MRPS9: variants seen among roughly 807,000 people sequenced by gnomAD.
MRPS9 encodes the protein mitochondrial ribosomal protein S9, also known as small ribosomal subunit protein uS9m.
A neutral mutation model predicts 59.9 loss-of-function variants in MRPS9; 45 were observed. The ratio of observed to expected loss-of-function variants is 0.75; its 90% CI spans 0.59 to 0.96. The LOEUF (loss-of-function observed/expected upper bound fraction) is 0.96, where lower values mean the gene tolerates loss of function less well. MRPS9 is among the 40% of genes least tolerant of loss of function. MRPS9 has a pLI of 0.00. For missense variants in MRPS9, 473 were observed against 481.1 expected, an observed-to-expected ratio of 0.98 and a Z score of 0.16; for synonymous variants, 171 against 166.8, an observed-to-expected ratio of 1.03 and a Z score of -0.19.
At chr2:105,073,945 A>T (rs12611500) in intron 4 of MRPS9, among the ~76,000 whole-genome samples, 29,658 of 152,200 alleles carry the variant, frequency 0.19, 3,056 homozygotes, top group Middle Eastern at 0.35. Flanking sequence ...TACATTTTCT[A>T]TGCAGAGGCC....
At chr2:105,053,275 A>G (rs764767514) in intron 2 of MRPS9, among the ~76,000 whole-genome samples, 7 of 152,182 alleles carry the variant, frequency 4.6e-5, no homozygotes, top group Non-Finnish European at 8.8e-5. Context: ...TTTCATGAGG[A>G]CTTAATTTAT....
At chr2:105,073,071 C>T (rs535002368) in intron 4 of MRPS9, among the ~76,000 whole-genome samples, 17 of 152,250 alleles carry the variant, frequency 1.1e-4, no homozygotes, top group Non-Finnish European at 2.1e-4. Flanking sequence ...AGTAGCTTTT[C>T]GGTAAATGTT....
intron 5 of MRPS9, among the ~76,000 whole-genome samples, chr2:105,087,471 A>G (rs887639688): frequency 1.3e-5 from 2 of 152,130 alleles, no homozygotes; most frequent in Non-Finnish European, 2.9e-5. Flanking sequence ...GCTGAGCTAG[A>G]GTGATGGATT....
At chr2:105,072,706 T>C (rs962031432) in intron 4 of MRPS9, among the ~76,000 whole-genome samples, 6 of 152,198 alleles carry the variant, frequency 3.9e-5, no homozygotes, top group African/African-American at 1.4e-4. Context: ...ATTGGTAAGA[T>C]AGCAGATATT....
intron 2 of MRPS9, among the ~76,000 whole-genome samples, chr2:105,060,721 T>C (rs931740033): frequency 5.9e-5 from 9 of 152,168 alleles, no homozygotes; most frequent in African/African-American, 2.2e-4. Context: ...CCATTTGCAA[T>C]GAGAACTTGG....
Position 105,071,507 on chromosome 2 carries a change from T to C in MRPS9, c.409+18T>C. On this transcript the variant is annotated intron_variant, in intron 4 of 10. Coordinates refer to ENST00000258455, the MANE Select transcript of MRPS9 (RefSeq NM_182640.3). The stretch of plus-strand genomic sequence containing the variant: ...ACAAAGAGGTAAGTTTGTTCAAGAA[T>C]GAGAGAAACAGTTTTTTCTTTACCG... 4.4e-6 allele frequency: 7 copies of C among 1,601,146 alleles called. No individual in the cohort carries two copies. The highest frequency in any genetic ancestry group is 5.1e-6 in the Non-Finnish European group (6 of 1,172,042).
intron 5 of MRPS9, among the ~76,000 whole-genome samples, chr2:105,080,923 C>A (rs200301238): frequency 3.0e-5 from 3 of 98,778 alleles, no homozygotes; most frequent in Non-Finnish European, 7.3e-5. Context: ...AAAAAAAAAA[C>A]AACCTTCTTT....
chr2:105,070,808 A>G (rs990121112), intron 2 of MRPS9, among the ~76,000 whole-genome samples: 1 of 152,216 alleles, frequency 6.6e-6, no homozygotes, highest in Non-Finnish European at 1.5e-5. Flanking sequence ...TGCCAGTAGC[A>G]TCCCTATTGA....
intron 10 of MRPS9, 124 bp from the exon 11 acceptor site, chr2:105,099,546 G>A: frequency 1.3e-6 from 1 of 747,538 alleles, no homozygotes; most frequent in South Asian, 2.3e-5. Context: ...AATTATTACT[G>A]GTCTGGTTGC....
intron 2 of MRPS9, among the ~76,000 whole-genome samples, chr2:105,053,422 GTT>G (rs1406383684): frequency 6.6e-6 from 1 of 152,150 alleles, no homozygotes; most frequent in Non-Finnish European, 1.5e-5. Flanking sequence ...TTAGAAACTA[GTT>G]TTTTCATACT....
chr2:105,039,023 C>T (rs1035062408), intron 1 of MRPS9, among the ~76,000 whole-genome samples: 1 of 151,846 alleles, frequency 6.6e-6, no homozygotes, highest in Non-Finnish European at 1.5e-5. Context: ...GGAGAGTGTA[C>T]TGAGGAGTAG....
chr2:105,053,973 A>G (rs1679755784), intron 2 of MRPS9, among the ~76,000 whole-genome samples: 1 of 152,242 alleles, frequency 6.6e-6, no homozygotes, highest in Non-Finnish European at 1.5e-5. Context: ...TGTGGAATAT[A>G]AATGCAGAAC....
chr2:105,090,447 G>A (rs899665772), intron 7 of MRPS9, among the ~76,000 whole-genome samples: 1 of 152,150 alleles, frequency 6.6e-6, no homozygotes, highest in African/African-American at 2.4e-5. Flanking sequence ...TAAGGTCAGT[G>A]GTTTTTATCT....
chr2:105,050,149 C>T (rs56402020), intron 2 of MRPS9, among the ~76,000 whole-genome samples: 30,802 of 150,292 alleles, frequency 0.2, 3,210 homozygotes, highest in Middle Eastern at 0.35. Context: ...CTTTTCTTTT[C>T]TTTTTTTTGA....
intron 5 of MRPS9, among the ~76,000 whole-genome samples, chr2:105,087,773 G>A (rs1680476709): frequency 1.5e-5 from 2 of 132,524 alleles, no homozygotes; most frequent in African/African-American, 5.5e-5. Flanking sequence ...TCTGTACTTC[G>A]TCCCTCCCTC....
intron 2 of MRPS9, among the ~76,000 whole-genome samples, chr2:105,060,487 G>T (rs1041695246): frequency 6.6e-6 from 1 of 152,054 alleles, no homozygotes; most frequent in Admixed American, 6.5e-5. Context: ...TACCATGTTG[G>T]TGAGGCTGGT....
chr2:105,097,476 A>C, intron 10 of MRPS9, 152 bp downstream of exon 10: 1 of 680,054 alleles, frequency 1.5e-6, no homozygotes, highest in South Asian at 4.4e-5. Context: ...CAGAACCATA[A>C]CAGTATTTCT....
intron 1 of MRPS9, among the ~76,000 whole-genome samples, chr2:105,048,254 A>G (rs1465124811): frequency 6.6e-6 from 1 of 152,000 alleles, no homozygotes; most frequent in East Asian, 1.9e-4. Flanking sequence ...TTGCAAGGAC[A>G]AAAAACCAAA....
Position 105,068,851 on chromosome 2 carries a change from C to T in MRPS9, c.316-2462C>T, listed in dbSNP as rs533259086. Among the ~76,000 whole-genome samples, 6 of 152,280 alleles carry T rather than the reference C, an allele frequency of 3.9e-5. No homozygotes were observed. In the East Asian group the frequency reaches 1.2e-3, roughly 29 times the overall value. ...TCATTTATTCAGCCAGCCTCTTATG[C>T]ATGGGGATTTGGTTGTTTTCAGTAT... On this transcript the variant is annotated intron_variant, in intron 2 of 10. Transcript: ENST00000258455.
Sources: allele counts gnomAD v4.1 joint callset (sites outside exome capture counted in the v4.1 genomes callset), GRCh38; gene constraint gnomAD v4.1.1; transcripts MANE v1.5; gene names NCBI Gene and HGNC (gene_info 2026-07-23, HGNC 2026-07-21).